Variants in TUFM observed in about 807,000 individuals in gnomAD.
TUFM encodes the protein Tu translation elongation factor, mitochondrial, also known as elongation factor Tu, mitochondrial.
In TUFM, 23 loss-of-function variants were observed where a neutral mutation model predicts 45.0. That is an observed-to-expected ratio of 0.51 (90% CI 0.37 to 0.72). TUFM has a LOEUF of 0.72. Ranked by LOEUF, TUFM falls within the 30% of genes least tolerant of loss-of-function variation. The pLI is 0.00. For synonymous variants in TUFM, 243 were observed against 252.9 expected (o/e 0.96, Z 0.37); for missense variants, 490 against 610.7 (o/e 0.80, Z 2.08).
chr16:28,842,950 G>A lies in TUFM; in HGVS notation c.*25C>T. The stretch of plus-strand genomic sequence containing the variant: ...GGCTAGGGCAGGCCTTAAACGCAAG[G>A]GAAGCTGAGCAGAGATCTGCACACT... On this transcript the variant is annotated 3_prime_UTR_variant, in exon 10 of 10. Coordinates refer to ENST00000313511, the MANE Select transcript of TUFM (RefSeq NM_003321.5). The A allele has an allele frequency of 6.2e-7, 1 of 1,613,484 alleles. No individual in the cohort carries two copies. The highest frequency in any genetic ancestry group is 8.5e-7 in the Non-Finnish European group (1 of 1,179,972).
rs1393807410 is a variant in TUFM at position 28,846,205 on chromosome 16, C to G, written c.52+13G>C. ...GTGTTCCTGGGCCGCCATCGCCCTC[C>G]CTGACCACTCACCGCTGAAGTGGGG... On this transcript the variant is annotated intron_variant, in intron 1 of 9. Coordinates refer to ENST00000313511, the MANE Select transcript of TUFM (RefSeq NM_003321.5). The G allele has an allele frequency of 5.5e-5, 87 of 1,581,548 alleles. No homozygotes were observed. The highest frequency in any genetic ancestry group is 7.5e-5 in the Non-Finnish European group (87 of 1,164,032).
Position 28,846,075 on chromosome 16 carries a change from C to G in TUFM, c.84G>C (p.Gln28His). The G allele has an allele frequency of 1.2e-6, 2 of 1,613,848 alleles. No homozygotes were observed. The highest frequency in any genetic ancestry group is 1.7e-6 in the Non-Finnish European group (2 of 1,179,976). The change falls in exon 2 of 10, where the codon CAG becomes CAC. Residue 28 changes from glutamine to histidine, a missense_variant. Physicochemically the swap from Gln to His is conservative, Grantham distance 24 (BLOSUM62 0). Transcript: ENST00000313511. The stretch of plus-strand genomic sequence containing the variant: ...GGGCTTTCAGCAGCCGCAACAGACC[C>G]TGCAGCAGGAAGGTCCGGCCGGCGG... ...GLAAGRTFLL[Q>H]GLLRLLKAPA... is the part of the protein sequence containing the mutation.
intron 1 of TUFM, 37 bp from the exon 2 acceptor site, chr16:28,846,143 G>C (rs374134810): frequency 6.2e-7 from 1 of 1,610,792 alleles, no homozygotes; most frequent in African/African-American, 1.3e-5. Context: ...GCAGGGAAGG[G>C]GTCAGACCGA....
At position 28,844,371 on chromosome 16, in the gene TUFM, G is replaced by T; in HGVS notation, c.818-37C>A. The T allele has an allele frequency of 6.2e-7, 1 of 1,614,178 alleles. No individual in the cohort carries two copies. Among genetic ancestry groups the T allele is most frequent in the Non-Finnish European group, 8.5e-7 (1 of 1,180,026 alleles). ...TAAGACAGGATATCAGGGACCCCGAGCTAGGCTTCTGCTAGAGAGAGTGCG... is the reference window on the plus strand; with the variant it reads ...TAAGACAGGATATCAGGGACCCCGATCTAGGCTTCTGCTAGAGAGAGTGCG... On this transcript the variant is annotated intron_variant, in intron 6 of 9. Transcript: ENST00000313511. The surrounding 1 kb of genome is among the most constrained non-coding windows in gnomAD (Gnocchi z 5.8).
In TUFM at chr16:28,846,220, C is replaced by G. The variant is rs1812667806; in HGVS notation, c.50G>C (p.Ser17Thr). ...ATLLRATPHF[S>T]GLAAGRTFLL... ...CATCGCCCTCCCTGACCACTCACCG[C>G]TGAAGTGGGGCGTCGCGCGCAGCAG... The change falls in exon 1 of 10, where the codon AGC (serine) becomes ACC (threonine). Residue 17 changes from serine to threonine, a missense_variant and splice_region_variant. Ser to Thr is a moderately conservative substitution (Grantham distance 58). Coordinates refer to ENST00000313511, the MANE Select transcript of TUFM (RefSeq NM_003321.5). 1.3e-6 allele frequency: 2 copies of G among 1,577,996 alleles called. No individual in the cohort carries two copies. Among genetic ancestry groups the G allele is most frequent in the Admixed American group, 3.7e-5 (2 of 53,926 alleles).
rs570472566 is a variant in TUFM at position 28,845,455 on chromosome 16, C to T, written c.273G>A (p.Lys91=). 22 of 1,614,212 alleles carry T rather than the reference C, an allele frequency of 1.4e-5. No homozygotes were observed. Among genetic ancestry groups the T allele is most frequent in the Middle Eastern group, 1.6e-4 (1 of 6,062 alleles). ...TGTCAATCTCCTCGTACTTCTTGAA[C>T]TTAGCCCCACCTCCCTCAGCTAGAA... is the stretch of plus-strand genomic sequence containing the variant. ...TKILAEGGGA[K]FKKYEEIDNA... The change falls in exon 3 of 10, where the codon AAG becomes AAA. Residue 91 remains lysine, a synonymous_variant. Transcript: ENST00000313511.
chr16:28,846,297 G>A lies in TUFM; in HGVS notation c.-28C>T, dbSNP rs758366064. ...TCGCGCCCCGGTAACCGGGGAGCCG[G>A]GACCAGGAGCCCGAGCGCACAGAAG... On this transcript the variant is annotated 5_prime_UTR_variant, in exon 1 of 10. Coordinates refer to ENST00000313511, the MANE Select transcript of TUFM (RefSeq NM_003321.5). 1.9e-6 allele frequency: 3 copies of A among 1,548,086 alleles called. No individual in the cohort carries two copies. Among genetic ancestry groups the A allele is most frequent in the South Asian group, 1.2e-5 (1 of 84,216 alleles).
chr16:28,843,233 G>C, intron 9 of TUFM, 85 bp from the exon 10 acceptor site: 4 of 1,422,558 alleles, frequency 2.8e-6, no homozygotes, highest in Non-Finnish European at 3.9e-6. Context: ...GAGGTTAAGA[G>C]TCATGGGAGA....
chr16:28,845,844 G>A, intron 2 of TUFM, 68 bp downstream of exon 2: 1 of 1,588,032 alleles, frequency 6.3e-7, no homozygotes, highest in Middle Eastern at 2.1e-4. Flanking sequence ...CACTCTGCTG[G>A]CCTTGCCTCC....
At position 28,845,446 on chromosome 16, in the gene TUFM, C is replaced by G. The variant is rs2152147640; in HGVS notation, c.282G>C (p.Lys94Asn). ...LAEGGGAKFK[K>N]YEEIDNAPEE... ...CCGGGGCATTGTCAATCTCCTCGTA[C>G]TTCTTGAACTTAGCCCCACCTCCCT... Residue 94 changes from lysine (K) to asparagine (N), a missense_variant, in exon 3 of 10, where the codon AAG (lysine) becomes AAC (asparagine). By Grantham distance (94) the Lys-to-Asn change is moderately conservative. Coordinates refer to ENST00000313511, the MANE Select transcript of TUFM (RefSeq NM_003321.5). The G allele has an allele frequency of 6.2e-7, 1 of 1,614,164 alleles. No homozygotes were observed. The highest frequency in any genetic ancestry group is 1.3e-5 in the African/African-American group (1 of 75,020).
Position 28,843,128 on chromosome 16 carries a change from C to T in TUFM, c.1215G>A (p.Glu405=), listed in dbSNP as rs779968922. The change falls in exon 10 of 10, where the codon GAG becomes GAA. Residue 405 remains glutamate, a synonymous_variant. Coordinates refer to ENST00000313511, the MANE Select transcript of TUFM (RefSeq NM_003321.5). ...GCAAGATTAGGTTGAACTTCAGGTC[C>T]TCCCCGGGCATGGCAAGCTCCTAGA... The part of the protein sequence containing the change: ...PPEKELAMPG[E]DLKFNLILRQ... 351 of 1,614,084 alleles carry T rather than the reference C, an allele frequency of 2.2e-4. No homozygotes were observed. The highest frequency in any genetic ancestry group is 2.9e-4 in the Non-Finnish European group (340 of 1,180,056).
intron 2 of TUFM, 130 bp downstream of exon 2, chr16:28,845,782 A>T: frequency 8.6e-7 from 1 of 1,156,822 alleles, no homozygotes; most frequent in Non-Finnish European, 1.3e-6. Context: ...CTCCCAATCC[A>T]CCTGTCGCAC....
chr16:28,845,536 C>A (rs905172228), intron 2 of TUFM, 56 bp from the exon 3 acceptor site: 2 of 1,607,602 alleles, frequency 1.2e-6, no homozygotes, highest in Non-Finnish European at 1.7e-6. Context: ...AGAGGCAGAG[C>A]TTAGACCACG....
Position 28,843,745 on chromosome 16 carries a change from G to A in TUFM, c.1185C>T (p.Pro395=), listed in dbSNP as rs375571168. 11 of 1,612,858 alleles carry A rather than the reference G, an allele frequency of 6.8e-6. No homozygotes were observed. In the African/African-American group the frequency reaches 1.3e-4, roughly 20 times the overall value. ...CTCCCACCCACCGTACCTTCTCTGG[G>A]GGCAGGATAATCCGACAGGCCATGT... ...TWDMACRIIL[P]PEKELAMPGE... The change falls in exon 9 of 10, where the codon CCC becomes CCT. Residue 395 remains proline (P), a synonymous_variant. Coordinates refer to ENST00000313511, the MANE Select transcript of TUFM (RefSeq NM_003321.5).
chr16:28,844,217 T>A lies in TUFM; in HGVS notation c.922+13A>T. 6.2e-7 allele frequency: 1 copy of A among 1,614,142 alleles called. No homozygotes were observed. The highest frequency in any genetic ancestry group is 8.5e-7 in the Non-Finnish European group (1 of 1,179,968). On this transcript the variant is annotated intron_variant, in intron 7 of 9. Coordinates refer to ENST00000313511, the MANE Select transcript of TUFM (RefSeq NM_003321.5). This position sits in a 1 kb window ranked among gnomAD's most constrained non-coding sequence, Gnocchi z 5.8. ...TTCAGCCAGGCCCTGCTCTCCAGACTGGCTTCCCAAACCTGTCACCACAGT... is the reference window on the plus strand; with the variant it reads ...TTCAGCCAGGCCCTGCTCTCCAGACAGGCTTCCCAAACCTGTCACCACAGT...
In TUFM at chr16:28,844,205, T is replaced by C; in HGVS notation, c.922+25A>G. 1 of 1,613,690 alleles carries C rather than the reference T, an allele frequency of 6.2e-7. No homozygotes were observed. Among genetic ancestry groups the C allele is most frequent in the Non-Finnish European group, 8.5e-7 (1 of 1,179,556 alleles). ...GTAAGGCCACCCTTCAGCCAGGCCC[T>C]GCTCTCCAGACTGGCTTCCCAAACC... On this transcript the variant is annotated intron_variant, in intron 7 of 9. Coordinates refer to ENST00000313511, the MANE Select transcript of TUFM (RefSeq NM_003321.5). This position sits in a 1 kb window ranked among gnomAD's most constrained non-coding sequence, Gnocchi z 5.8.
At position 28,845,061 on chromosome 16, in the gene TUFM, G is replaced by C. The variant is rs368206939; in HGVS notation, c.415-6C>G. 109 of 1,613,940 alleles carry C rather than the reference G, an allele frequency of 6.8e-5. No homozygotes were observed. The African/African-American group carries it at 1.4e-3, about 21-fold the overall frequency. ...GCAGTGCCTGTGATCATATTCTGGAGAGGAGAAGGAAAGGAAACAGCCAAG... is the reference window on the plus strand; with the variant it reads ...GCAGTGCCTGTGATCATATTCTGGACAGGAGAAGGAAAGGAAACAGCCAAG... On this transcript the variant is annotated splice_polypyrimidine_tract_variant and splice_region_variant and intron_variant, in intron 3 of 9. Coordinates refer to ENST00000313511, the MANE Select transcript of TUFM (RefSeq NM_003321.5).
At position 28,842,904 on chromosome 16, in the gene TUFM, C is replaced by G; in HGVS notation, c.*71G>C. Reference sequence around the variant, plus strand: ...TTGCAGCCTATGCCATGAGAGGGTACTGGAAGCAGGAGGGAGCCCTGGCTA... The same window carrying G: ...TTGCAGCCTATGCCATGAGAGGGTAGTGGAAGCAGGAGGGAGCCCTGGCTA... On this transcript the variant is annotated 3_prime_UTR_variant, in exon 10 of 10. Coordinates refer to ENST00000313511, the MANE Select transcript of TUFM (RefSeq NM_003321.5). 6.3e-7 allele frequency: 1 copy of G among 1,594,214 alleles called. No individual in the cohort carries two copies. Among genetic ancestry groups the G allele is most frequent in the Non-Finnish European group, 8.6e-7 (1 of 1,164,222 alleles).
Position 28,845,384 on chromosome 16 carries a change from T to C in TUFM, c.344A>G (p.His115Arg). ...RARGITINAA[H>R]VEYSTAARHY... ...GCGGGCGGCAGTGCTATACTCCACA[T>C]GAGCCGCATTGATGGTGATACCCCG... Residue 115 changes from histidine to arginine, a missense_variant, in exon 3 of 10, where the codon CAT (histidine) becomes CGT (arginine). Transcript: ENST00000313511. The C allele has an allele frequency of 6.2e-7, 1 of 1,614,030 alleles. No individual in the cohort carries two copies. Among genetic ancestry groups the C allele is most frequent in the South Asian group, 1.1e-5 (1 of 91,080 alleles).
Sources: gnomAD v4.1 joint callset for allele counts on GRCh38, gnomAD v4.1.1 for gene constraint, Gnocchi (gnomAD v3.1) non-coding constraint, MANE v1.5 for transcripts, NCBI Gene and HGNC (gene_info 2026-07-23, HGNC 2026-07-21) for gene names.